Variants in IL1RL2 observed in about 807,000 individuals in gnomAD.
IL1RL2 encodes interleukin-1 receptor-like 2.
A neutral mutation model predicts 66.8 loss-of-function variants in IL1RL2; 68 were observed. The observed-to-expected ratio is 1.02, with a 90% CI of 0.84 to 1.25. The LOEUF (loss-of-function observed/expected upper bound fraction) is 1.25, where lower values mean the gene tolerates loss of function less well. IL1RL2 is among the 50% of genes most tolerant of loss of function. The probability of loss-of-function intolerance (pLI) is 0.00; values close to 1 mark genes in which losing one functional copy is unlikely to be tolerated. For missense variants in IL1RL2, 729 were observed against 709.3 expected (o/e 1.03, Z -0.32); for synonymous variants, 305 against 264.6 (o/e 1.15, Z -1.48).
Position 102,219,065 on chromosome 2 carries a change from A to G in IL1RL2, c.837A>G (p.Arg279=), listed in dbSNP as rs1689863433. ...ATGATTACTATGATGAATCCAAACG[A>G]ATCAGAGAAGGGGTGGAGTAGGTGT... The part of the protein sequence containing the change: ...LVDDYYDESK[R]IREGVETHVS... Residue 279 remains arginine (R), a synonymous_variant, in exon 7 of 12, where the codon CGA becomes CGG. Coordinates refer to ENST00000264257, the MANE Select transcript of IL1RL2 (RefSeq NM_003854.4). 1.5e-5 allele frequency: 24 copies of G among 1,613,850 alleles called. No homozygotes were observed. The highest frequency in any genetic ancestry group is 1.9e-5 in the Non-Finnish European group (23 of 1,179,842).
At chr2:102,218,152 G>T (rs1426782216) in intron 6 of IL1RL2, among the ~76,000 whole-genome samples, 1 of 152,116 alleles carries the variant, frequency 6.6e-6, no homozygotes, top group East Asian at 1.9e-4. Flanking sequence ...AGAAGACATT[G>T]CTTCTGGGAT....
chr2:102,234,078 C>A (rs1674614445), intron 10 of IL1RL2, among the ~76,000 whole-genome samples: 1 of 152,080 alleles, frequency 6.6e-6, no homozygotes, highest in South Asian at 2.1e-4. Flanking sequence ...TTTAGAGAAA[C>A]CTCCCTTTCC....
intron 5 of IL1RL2, among the ~76,000 whole-genome samples, chr2:102,211,818 A>T (rs1354302271): frequency 6.6e-6 from 1 of 152,198 alleles, no homozygotes; most frequent in African/African-American, 2.4e-5. Context: ...TTGAGATTTT[A>T]TTATAAAAGC....
At chr2:102,208,588 C>A (rs1183823564) in intron 5 of IL1RL2, among the ~76,000 whole-genome samples, 1 of 152,202 alleles carries the variant, frequency 6.6e-6, no homozygotes. Flanking sequence ...TCACTAGTTT[C>A]CATCACACTT....
intron 3 of IL1RL2, among the ~76,000 whole-genome samples, chr2:102,190,846 A>G (rs1485017154): frequency 6.6e-6 from 1 of 152,246 alleles, no homozygotes; most frequent in Non-Finnish European, 1.5e-5. Flanking sequence ...AATGAGGAAA[A>G]GTAATCTTTA....
chr2:102,195,583 TTCTTTC>T lies in IL1RL2; in HGVS notation c.489+3465_489+3470del, dbSNP rs1559529814. ...TCTCTTTCTTTCTTTCTTTCTTTCT[TTCTTTC>T]TTTCTTTCTTTCTTTCTTTCTTTCT... On this transcript the variant is annotated intron_variant, in intron 4 of 11. Coordinates refer to ENST00000264257, the MANE Select transcript of IL1RL2 (RefSeq NM_003854.4). Among the ~76,000 whole-genome samples the T allele has an allele frequency of 9.3e-4, 14 of 15,054 alleles. 2 individuals are homozygous for T. Among genetic ancestry groups the T allele is most frequent in the African/African-American group, 2.4e-3 (13 of 5,492 alleles). 9.9% of individuals were successfully genotyped at this position (15,054 alleles called of 152,430 possible). A position where few individuals can be genotyped will look rare whatever the true frequency, so the allele number is the denominator to read the frequency against.
At chr2:102,199,730 G>A (rs1688078206) in intron 4 of IL1RL2, among the ~76,000 whole-genome samples, 1 of 152,176 alleles carries the variant, frequency 6.6e-6, no homozygotes, top group Non-Finnish European at 1.5e-5. Flanking sequence ...TTGAAAGAAA[G>A]AATGAACCCA....
intron 6 of IL1RL2, among the ~76,000 whole-genome samples, chr2:102,216,699 A>C (rs1467154754): frequency 6.6e-6 from 1 of 152,038 alleles, no homozygotes; most frequent in Non-Finnish European, 1.5e-5. Context: ...GGTTCTCTGT[A>C]GTCCTAAGCT....
At chr2:102,208,647 T>C (rs7569116) in intron 5 of IL1RL2, among the ~76,000 whole-genome samples, 42,695 of 152,214 alleles carry the variant, frequency 0.28, 6,630 homozygotes, top group East Asian at 0.39. Flanking sequence ...TGGATCCCTA[T>C]GGGGATCTGG....
At chr2:102,207,450 C>T (rs1322592197) in intron 5 of IL1RL2, among the ~76,000 whole-genome samples, 1 of 152,108 alleles carries the variant, frequency 6.6e-6, no homozygotes, top group Non-Finnish European at 1.5e-5. Context: ...CTTAAGTTAG[C>T]AGGTGATGAA....
rs34098431 is a variant in IL1RL2, at chr2:102,218,740, C to T, written c.725-213C>T. Among the ~76,000 whole-genome samples the T allele has an allele frequency of 7.1e-3, 1,078 of 152,258 alleles. 5 individuals carry two copies. Among genetic ancestry groups the T allele is most frequent in the Middle Eastern group, 0.017 (5 of 294 alleles). On this transcript the variant is annotated intron_variant, in intron 6 of 11. Coordinates refer to ENST00000264257, the MANE Select transcript of IL1RL2 (RefSeq NM_003854.4). ...ATGATGTTTGGTAATGCATGTGTGT[C>T]CCTTTACAATGGTTGTCCTGGAAGG...
chr2:102,187,875 C>G lies in IL1RL2; in HGVS notation c.8C>G (p.Ser3Cys), dbSNP rs200889017. 6.2e-7 allele frequency: 1 copy of G among 1,608,000 alleles called. No homozygotes were observed. Among genetic ancestry groups the G allele is most frequent in the Non-Finnish European group, 8.5e-7 (1 of 1,177,524 alleles). MWSLLLCGLSIAL... is the reference protein window; with the variant it reads MWCLLLCGLSIAL... Reference sequence around the variant, plus strand: ...TTGCAGCCCGGTTTGGGGATGTGGTCCTTGCTGCTCTGCGGGTTGTCCATC... The same window carrying G: ...TTGCAGCCCGGTTTGGGGATGTGGTGCTTGCTGCTCTGCGGGTTGTCCATC... Residue 3 changes from serine to cysteine, a missense_variant, in exon 2 of 12, where the codon TCC becomes TGC. Transcript: ENST00000264257.
At position 102,201,523 on chromosome 2, in the gene IL1RL2, C is replaced by A. The variant is rs948985916; in HGVS notation, c.490-33C>A. ...GGGATCACACAGGTTTCTAAGTATT[C>A]ATTGAATTGAATTTTGTTTTTATTT... On this transcript the variant is annotated intron_variant, in intron 4 of 11. Coordinates refer to ENST00000264257, the MANE Select transcript of IL1RL2 (RefSeq NM_003854.4). The A allele has an allele frequency of 2.5e-6, 4 of 1,598,482 alleles. No homozygotes were observed. The South Asian group carries it at 4.4e-5, about 18-fold the overall frequency.
At chr2:102,231,764 C>G (rs1022349897) in intron 9 of IL1RL2, among the ~76,000 whole-genome samples, 1 of 152,136 alleles carries the variant, frequency 6.6e-6, no homozygotes, top group Non-Finnish European at 1.5e-5. Context: ...CTGATGACGA[C>G]GACATGCGCC....
chr2:102,232,874 A>G, intron 9 of IL1RL2, 89 bp from the exon 10 acceptor site: 2 of 1,460,328 alleles, frequency 1.4e-6, no homozygotes, highest in Non-Finnish European at 1.9e-6. Flanking sequence ...AGGCCAAAGG[A>G]CACCATGGTA....
In IL1RL2 at chr2:102,189,108, A is replaced by T. The variant is rs376899333; in HGVS notation, c.91A>T (p.Ile31Leu). The T allele has an allele frequency of 5.0e-6, 8 of 1,613,928 alleles. No homozygotes were observed. The highest frequency in any genetic ancestry group is 6.8e-6 in the Non-Finnish European group (8 of 1,179,944). Residue 31 changes from isoleucine to leucine, a missense_variant, in exon 3 of 12, where the codon ATA becomes TTA. By Grantham distance (5) the Ile-to-Leu change is conservative. Transcript: ENST00000264257. The stretch of plus-strand genomic sequence containing the variant: ...CAAGGACATTTTTATGAAAAATGAG[A>T]TACTTTCAGCAAGCCAGCCTTTTGC... Reference protein sequence around the residue: ...GCKDIFMKNEILSASQPFAFN... With the variant: ...GCKDIFMKNELLSASQPFAFN...
At chr2:102,215,251 T>C (rs6743219) in intron 6 of IL1RL2, among the ~76,000 whole-genome samples, 96,854 of 152,016 alleles carry the variant, frequency 0.64, 31,194 homozygotes, top group Admixed American at 0.7. Context: ...CTATGACCCA[T>C]GCTGCTACAT....
intron 4 of IL1RL2, among the ~76,000 whole-genome samples, chr2:102,200,783 G>T (rs889573787): frequency 2.0e-5 from 3 of 152,100 alleles, no homozygotes; most frequent in Non-Finnish European, 4.4e-5. Context: ...CCTCTGGGTG[G>T]TTGCTGGGAG....
Position 102,212,239 on chromosome 2 carries a change from G to A in IL1RL2, c.724+65G>A, listed in dbSNP as rs1012516560. 2.5e-5 allele frequency: 29 copies of A among 1,171,300 alleles called. No homozygotes were observed. The African/African-American group carries it at 3.3e-4, about 13-fold the overall frequency. The allele number at this position is 1,171,300 out of a possible 1,614,324, so 72.6% of individuals were successfully genotyped here. A position where few individuals can be genotyped will look rare whatever the true frequency, so the allele number is the denominator to read the frequency against. On this transcript the variant is annotated intron_variant, in intron 6 of 11. Coordinates refer to ENST00000264257, the MANE Select transcript of IL1RL2 (RefSeq NM_003854.4). Reference sequence around the variant, plus strand: ...AGAGCTCATTATGTTTGCATATTCTGGTGAATATTTTGAATGTTAAGGATG... The same window carrying A: ...AGAGCTCATTATGTTTGCATATTCTAGTGAATATTTTGAATGTTAAGGATG...
Sources: allele counts gnomAD v4.1 joint callset (sites outside exome capture counted in the v4.1 genomes callset), GRCh38; gene constraint gnomAD v4.1.1; transcripts MANE v1.5; gene names NCBI Gene and HGNC (gene_info 2026-07-23, HGNC 2026-07-21).